Variants in TMCO5A observed in about 807,000 individuals in gnomAD.
TMCO5A encodes transmembrane and coiled-coil domains 5A, also known as transmembrane and coiled-coil domain-containing protein 5A.
A neutral mutation model predicts 42.3 loss-of-function variants in TMCO5A; 34 were observed. The observed-to-expected ratio is 0.80, with a 90% CI of 0.61 to 1.07. The LOEUF (loss-of-function observed/expected upper bound fraction) is 1.07, where lower values mean the gene tolerates loss of function less well. TMCO5A is among the 50% of genes least tolerant of loss of function. The pLI, the probability that TMCO5A is intolerant of heterozygous loss-of-function variation, is 0.00. For synonymous variants in TMCO5A, 131 were observed against 115.6 expected (o/e 1.13, Z -0.86); for missense variants, 357 against 327.9 (o/e 1.09, Z -0.69).
intron 11 of TMCO5A, among the ~76,000 whole-genome samples, chr15:37,965,295 C>T (rs1890530713): frequency 6.6e-6 from 1 of 152,074 alleles, no homozygotes; most frequent in African/African-American, 2.4e-5. Flanking sequence ...TCTAAGACCT[C>T]AGCCTATGAA....
downstream of TMCO5A, among the ~76,000 whole-genome samples, chr15:37,968,723 C>T (rs1463543081): frequency 6.6e-6 from 1 of 151,862 alleles, no homozygotes; most frequent in Non-Finnish European, 1.5e-5. Context: ...GCTGGGGTTA[C>T]AGGCGCCCAC....
chr15:37,969,411 T>C (rs1163002002), downstream of TMCO5A, among the ~76,000 whole-genome samples: 2 of 152,078 alleles, frequency 1.3e-5, no homozygotes, highest in African/African-American at 4.8e-5. Context: ...ATTATTAGAG[T>C]AGTGCACAAA....
downstream of TMCO5A, among the ~76,000 whole-genome samples, chr15:37,971,232 G>C (rs1343759946): frequency 6.6e-6 from 1 of 152,174 alleles, no homozygotes; most frequent in Non-Finnish European, 1.5e-5. Context: ...TGCACCTGTA[G>C]ACTCAACACC....
chr15:37,998,633 G>T, the TMCO5A span, among the ~76,000 whole-genome samples: 3 of 152,080 alleles, frequency 2.0e-5, no homozygotes, highest in African/African-American at 7.2e-5. Flanking sequence ...AAGCAATGAA[G>T]TTCCTCCAGT....
intron 11 of TMCO5A, among the ~76,000 whole-genome samples, chr15:37,958,911 C>T (rs922731420): frequency 1.3e-5 from 2 of 152,004 alleles, no homozygotes; most frequent in Non-Finnish European, 2.9e-5. Flanking sequence ...AAATGTGGCA[C>T]ATATACACCA....
chr15:38,031,547 T>A, the TMCO5A span, among the ~76,000 whole-genome samples: 1 of 152,132 alleles, frequency 6.6e-6, no homozygotes, highest in Non-Finnish European at 1.5e-5. Context: ...GAGAGACCCA[T>A]GTGGTGAGGA....
At chr15:38,008,262 G>A in the TMCO5A span, among the ~76,000 whole-genome samples, 1 of 151,722 alleles carries the variant, frequency 6.6e-6, no homozygotes. Flanking sequence ...GAAGAAATTC[G>A]TCAGGCAAAG....
chr15:37,935,705 A>G (rs1425766609), intron 2 of TMCO5A, among the ~76,000 whole-genome samples: 1 of 152,156 alleles, frequency 6.6e-6, no homozygotes, highest in Non-Finnish European at 1.5e-5. Flanking sequence ...TTACTTCAAA[A>G]AAGATATTTG....
the TMCO5A span, among the ~76,000 whole-genome samples, chr15:38,005,641 A>G: frequency 1.1e-3 from 175 of 152,300 alleles, no homozygotes; most frequent in Non-Finnish European, 2.2e-3. Context: ...CAAAGTTAAT[A>G]CATTACAGCT....
At position 37,943,397 on chromosome 15, in the gene TMCO5A, A is replaced by T; in HGVS notation, c.626A>T (p.Glu209Val). Residue 209 changes from glutamate (E) to valine (V), a missense_variant and splice_region_variant, in exon 10 of 12, where the codon GAG becomes GTG. Transcript: ENST00000319669. ...AAAGAGCATACCAGCCAAAATAATG[A>T]GGTAAACACTCCATTCTCTCTTCAG... ...VEKEHTSQNN[E>V]GTPTQKTARL... The T allele has an allele frequency of 6.2e-7, 1 of 1,612,256 alleles. No homozygotes were observed. Among genetic ancestry groups the T allele is most frequent in the Non-Finnish European group, 8.5e-7 (1 of 1,179,010 alleles).
chr15:37,980,734 C>T, the TMCO5A span, among the ~76,000 whole-genome samples: 1 of 151,820 alleles, frequency 6.6e-6, no homozygotes, highest in African/African-American at 2.4e-5. Flanking sequence ...AAGTTTGTTC[C>T]CACTGGGTGG....
chr15:37,959,237 C>T (rs1890364541), intron 11 of TMCO5A, among the ~76,000 whole-genome samples: 1 of 151,952 alleles, frequency 6.6e-6, no homozygotes, highest in Non-Finnish European at 1.5e-5. Context: ...GCACATTCTG[C>T]ACATGTACCC....
chr15:38,005,158 A>C, the TMCO5A span, among the ~76,000 whole-genome samples: 2 of 151,224 alleles, frequency 1.3e-5, no homozygotes, highest in Admixed American at 1.3e-4. Context: ...ATCAACCTTT[A>C]TTCCTAAGGG....
chr15:37,981,284 G>A, the TMCO5A span, among the ~76,000 whole-genome samples: 8 of 150,774 alleles, frequency 5.3e-5, no homozygotes, highest in Non-Finnish European at 1.0e-4. Flanking sequence ...CAGTATTACC[G>A]TAGAAGGAGA....
chr15:38,009,285 G>A, the TMCO5A span, among the ~76,000 whole-genome samples: 1 of 152,166 alleles, frequency 6.6e-6, no homozygotes, highest in Non-Finnish European at 1.5e-5. Context: ...TTATAGAGAA[G>A]TGCCTCTAAG....
intron 11 of TMCO5A, among the ~76,000 whole-genome samples, chr15:37,957,493 C>T (rs1017043653): frequency 7.9e-5 from 12 of 152,052 alleles, no homozygotes; most frequent in Non-Finnish European, 1.3e-4. Context: ...TTCACAATTG[C>T]TACAAAGAGA....
downstream of TMCO5A, among the ~76,000 whole-genome samples, chr15:37,971,370 C>G (rs1432546035): frequency 1.3e-5 from 2 of 152,184 alleles, no homozygotes; most frequent in Non-Finnish European, 2.9e-5. Flanking sequence ...CTGCACATAG[C>G]AAAGAGACCC....
At chr15:38,028,735 G>A in the TMCO5A span, among the ~76,000 whole-genome samples, 2 of 152,278 alleles carry the variant, frequency 1.3e-5, no homozygotes, top group African/African-American at 4.8e-5. Flanking sequence ...GGCAGATAGT[G>A]TCTGAAAAGC....
intron 4 of TMCO5A, 25 bp downstream of exon 4, chr15:37,936,995 A>T: frequency 6.2e-7 from 1 of 1,610,858 alleles, no homozygotes. Context: ...GGGAAGAGCC[A>T]TTTAATAGGT....
Sources: gnomAD v4.1 joint callset for allele counts (sites outside exome capture counted in the v4.1 genomes callset) on GRCh38, gnomAD v4.1.1 for gene constraint, MANE v1.5 for transcripts, NCBI Gene and HGNC (gene_info 2026-07-23, HGNC 2026-07-21) for gene names.